ELAVL2: variants seen among roughly 807,000 people sequenced by gnomAD.
The protein encoded by ELAVL2 is ELAV-like protein 2.
ELAVL2 carries 4 observed loss-of-function variants against 34.6 expected under a neutral mutation model. The observed-to-expected ratio is 0.12, with a 90% CI of 0.06 to 0.26. ELAVL2 has a LOEUF of 0.26. Among genes scored for constraint, ELAVL2 ranks in the 10% least tolerant of loss-of-function variants. The pLI, the probability that ELAVL2 is intolerant of heterozygous loss-of-function variation, is 1.00. For missense variants in ELAVL2, 432 were observed against 442.8 expected, an observed-to-expected ratio of 0.98 and a Z score of 0.22; for synonymous variants, 193 against 154.8, an observed-to-expected ratio of 1.25 and a Z score of -1.83.
At chr9:23,786,289 A>G (rs953325715) in intron 1 of ELAVL2, among the ~76,000 whole-genome samples, 4 of 152,324 alleles carry the variant, frequency 2.6e-5, no homozygotes, top group African/African-American at 9.6e-5. Context: ...AAATGATGTA[A>G]GCAACAAAGA....
At chr9:23,847,271 TGCA>T in the ELAVL2 span, 2 of 152,062 alleles carry the variant, frequency 1.3e-5, no homozygotes, top group African/African-American at 4.8e-5. Context: ...CCTTTATGCT[TGCA>T]GGTACATTGC....
At chr9:23,801,876 G>C (rs944041527) in intron 1 of ELAVL2, among the ~76,000 whole-genome samples, 1 of 152,110 alleles carries the variant, frequency 6.6e-6, no homozygotes, top group Non-Finnish European at 1.5e-5. Flanking sequence ...TCTAACAAGC[G>C]CTGCAAATAG....
intron 1 of ELAVL2, among the ~76,000 whole-genome samples, chr9:23,820,889 G>T (rs1237717383): frequency 6.6e-6 from 1 of 152,152 alleles, no homozygotes; most frequent in Non-Finnish European, 1.5e-5. Context: ...GCAAACCCGA[G>T]ATGTGACCGC....
chr9:23,836,137 A>C, the ELAVL2 span, among the ~76,000 whole-genome samples: 1 of 152,230 alleles, frequency 6.6e-6, no homozygotes, highest in Non-Finnish European at 1.5e-5. Flanking sequence ...ATGTATGTGT[A>C]TTTTAAGGCT....
At chr9:23,792,223 G>A (rs2060407467) in intron 1 of ELAVL2, among the ~76,000 whole-genome samples, 1 of 152,162 alleles carries the variant, frequency 6.6e-6, no homozygotes, top group African/African-American at 2.4e-5. Flanking sequence ...TTTAAGGCAG[G>A]CTAGGCGAAA....
upstream of ELAVL2, among the ~76,000 whole-genome samples, chr9:23,829,131 C>T (rs2065421103): frequency 6.6e-6 from 1 of 152,154 alleles, no homozygotes; most frequent in Non-Finnish European, 1.5e-5. Context: ...GACATATCTT[C>T]CAAGTTCCTG....
the ELAVL2 span, among the ~76,000 whole-genome samples, chr9:23,842,574 A>G: frequency 6.6e-6 from 1 of 151,908 alleles, no homozygotes; most frequent in Non-Finnish European, 1.5e-5. Flanking sequence ...TTTTTTTCAT[A>G]TATATAGGAA....
At chr9:23,809,218 A>C (rs550918079) in intron 1 of ELAVL2, among the ~76,000 whole-genome samples, 172 of 152,252 alleles carry the variant, frequency 1.1e-3, no homozygotes, top group African/African-American at 3.9e-3. Flanking sequence ...AAATATGTAG[A>C]GACAATCTGA....
At chr9:23,821,358 G>A (rs897892604) in intron 1 of ELAVL2, 1 of 151,998 alleles carries the variant, frequency 6.6e-6, no homozygotes, top group South Asian at 2.1e-4. Context: ...CCCACGGGAG[G>A]GGCGGTGCCA....
At chr9:23,735,803 G>A (rs915332641) in intron 2 of ELAVL2, among the ~76,000 whole-genome samples, 6 of 152,280 alleles carry the variant, frequency 3.9e-5, no homozygotes, top group African/African-American at 9.6e-5. Flanking sequence ...TCATGGTCAA[G>A]GGATCTATAC....
At chr9:23,695,160 A>G (rs2034692831) in intron 5 of ELAVL2, among the ~76,000 whole-genome samples, 1 of 152,180 alleles carries the variant, frequency 6.6e-6, no homozygotes. Flanking sequence ...TACCAGCAAT[A>G]AAGACAAACA....
chr9:23,771,442 T>C (rs7848172), intron 1 of ELAVL2, among the ~76,000 whole-genome samples: 2 of 151,734 alleles, frequency 1.3e-5, no homozygotes, highest in Non-Finnish European at 2.9e-5. Flanking sequence ...TATATATAGA[T>C]ATATATAGGA....
At chr9:23,702,964 A>AACAAAC (rs1186881649) in intron 4 of ELAVL2, among the ~76,000 whole-genome samples, 40 of 141,734 alleles carry the variant, frequency 2.8e-4, no homozygotes, top group Non-Finnish European at 5.3e-4. Context: ...AAAAAAAAAA[A>AACAAAC]AAAAAAAAAA....
At position 23,692,889 on chromosome 9, in the gene ELAVL2, T is replaced by A; in HGVS notation, c.753-5A>T. 3 of 1,612,484 alleles carry A rather than the reference T, an allele frequency of 1.9e-6. No individual in the cohort carries two copies. Among genetic ancestry groups the A allele is most frequent in the Non-Finnish European group, 2.5e-6 (3 of 1,178,856 alleles). Reference sequence around the variant, plus strand: ...TCAATGGTCATTGGAGAAAACCTGCTAAACAGAATAGGAAATACACACATA... The same window carrying A: ...TCAATGGTCATTGGAGAAAACCTGCAAAACAGAATAGGAAATACACACATA... On this transcript the variant is annotated splice_region_variant and splice_polypyrimidine_tract_variant and intron_variant, in intron 6 of 6. Transcript: ENST00000397312.
At chr9:23,827,436 A>G (rs953927125), upstream of ELAVL2, among the ~76,000 whole-genome samples, 2 of 152,174 alleles carry the variant, frequency 1.3e-5, no homozygotes, top group Admixed American at 6.5e-5. Context: ...AGTAGACACA[A>G]TATTCATTTG....
chr9:23,847,269 C>G, the ELAVL2 span: 1 of 151,928 alleles, frequency 6.6e-6, no homozygotes, highest in African/African-American at 2.4e-5. Context: ...TGCCTTTATG[C>G]TTGCAGGTAC....
Position 23,791,010 on chromosome 9 carries a change from C to A in ELAVL2, c.-15-28761G>T, listed in dbSNP as rs563494354. On this transcript the variant is annotated intron_variant, in intron 1 of 6. Coordinates refer to ENST00000397312, the MANE Select transcript of ELAVL2 (RefSeq NM_004432.5). ...CTCTTGACATCTGTGGCAAAAACAT[C>A]CTGTCTTCTAAATATATGTTCTGTT... 3.3e-5 allele frequency among the ~76,000 whole-genome samples: 5 copies of A among 152,300 alleles called. No individual in the cohort carries two copies. In the South Asian group the frequency reaches 1.0e-3, roughly 32 times the overall value.
At chr9:23,729,853 A>G (rs2046125770) in intron 3 of ELAVL2, among the ~76,000 whole-genome samples, 1 of 152,098 alleles carries the variant, frequency 6.6e-6, no homozygotes, top group Admixed American at 6.6e-5. Context: ...TTAAAGCACA[A>G]AAATGACACT....
chr9:23,811,998 C>T (rs1282511084), intron 1 of ELAVL2, among the ~76,000 whole-genome samples: 1 of 152,144 alleles, frequency 6.6e-6, no homozygotes, highest in East Asian at 1.9e-4. Flanking sequence ...ACAGTCCTGT[C>T]CCTAAAGCAA....
Sources: gnomAD v4.1 joint callset for allele counts (sites outside exome capture counted in the v4.1 genomes callset) on GRCh38, gnomAD v4.1.1 for gene constraint, MANE v1.5 for transcripts, NCBI Gene and HGNC (gene_info 2026-07-23, HGNC 2026-07-21) for gene names.